Variants in CSMD1 observed in about 807,000 individuals in gnomAD.
CSMD1 encodes the protein CUB and sushi domain-containing protein 1.
Under a neutral mutation model 417.5 loss-of-function variants are expected in CSMD1, and 213 were observed. The observed-to-expected ratio is 0.51, with a 90% CI of 0.46 to 0.57. CSMD1 has a LOEUF of 0.57. Among genes scored for constraint, CSMD1 ranks in the 20% least tolerant of loss-of-function variants. The pLI, the probability that CSMD1 is intolerant of heterozygous loss-of-function variation, is 0.00. For missense variants in CSMD1, 6,923 were observed against 4,529.7 expected, an observed-to-expected ratio of 1.53 and a Z score of -15.17; for synonymous variants, 2,862 against 1,736.8, an observed-to-expected ratio of 1.65 and a Z score of -16.11.
intron 4 of CSMD1, among the ~76,000 whole-genome samples, chr8:4,022,096 C>CTT (rs1554518692): frequency 2.1e-5 from 3 of 145,212 alleles, no homozygotes; most frequent in African/African-American, 7.6e-5. Flanking sequence ...CACACACACA[C>CTT]ATATATATAT....
At chr8:4,045,674 A>G (rs762885649) in intron 3 of CSMD1, among the ~76,000 whole-genome samples, 11 of 152,236 alleles carry the variant, frequency 7.2e-5, no homozygotes, top group Admixed American at 3.3e-4. Context: ...AATAATTTTA[A>G]GTAGAGAACC....
chr8:4,708,118 A>G (rs567814394), intron 1 of CSMD1, among the ~76,000 whole-genome samples: 1 of 126,894 alleles, frequency 7.9e-6, no homozygotes, highest in East Asian at 2.3e-4. Context: ...AATTTTTTGT[A>G]TTTTTTTTTA....
At chr8:3,911,232 A>G (rs1467177597) in intron 5 of CSMD1, among the ~76,000 whole-genome samples, 1 of 152,198 alleles carries the variant, frequency 6.6e-6, no homozygotes, top group Non-Finnish European at 1.5e-5. Flanking sequence ...TGCTCATTCC[A>G]AAATCAAATC....
At chr8:3,904,390 T>C (rs1463528877) in intron 5 of CSMD1, among the ~76,000 whole-genome samples, 1 of 152,150 alleles carries the variant, frequency 6.6e-6, no homozygotes, top group Non-Finnish European at 1.5e-5. Flanking sequence ...TGGAAACCTC[T>C]TTATTGCAAT....
intron 3 of CSMD1, among the ~76,000 whole-genome samples, chr8:4,191,587 C>G (rs534656369): frequency 1.3e-5 from 2 of 152,064 alleles, no homozygotes; most frequent in East Asian, 3.9e-4. Context: ...AATCACTGTT[C>G]TTCAGCTGTT....
chr8:3,783,986 G>C (rs1799316017), intron 5 of CSMD1, among the ~76,000 whole-genome samples: 1 of 152,166 alleles, frequency 6.6e-6, no homozygotes, highest in Non-Finnish European at 1.5e-5. Flanking sequence ...TCCTCTTCTG[G>C]TGCCTGACCT....
At chr8:4,390,659 A>AC (rs1230196042) in intron 3 of CSMD1, among the ~76,000 whole-genome samples, 3 of 151,472 alleles carry the variant, frequency 2.0e-5, no homozygotes, top group Non-Finnish European at 4.4e-5. Context: ...GACGACAGGC[A>AC]CCCCCCACCA....
chr8:3,582,088 C>G (rs1563172600), intron 9 of CSMD1, among the ~76,000 whole-genome samples: 1 of 152,132 alleles, frequency 6.6e-6, no homozygotes, highest in Non-Finnish European at 1.5e-5. Context: ...AGCCACCGCG[C>G]TGGCCAATGC....
chr8:3,907,974 G>A (rs999761145), intron 5 of CSMD1, among the ~76,000 whole-genome samples: 1 of 152,074 alleles, frequency 6.6e-6, no homozygotes, highest in African/African-American at 2.4e-5. Flanking sequence ...GTAATTTGCT[G>A]GGGCCAGAAA....
At chr8:4,883,906 C>A (rs1803566445) in intron 1 of CSMD1, among the ~76,000 whole-genome samples, 1 of 151,952 alleles carries the variant, frequency 6.6e-6, no homozygotes, top group Non-Finnish European at 1.5e-5. Flanking sequence ...GAGGAACTGC[C>A]AGACTGTTTT....
At chr8:4,310,204 A>G (rs1274293873) in intron 3 of CSMD1, among the ~76,000 whole-genome samples, 2 of 152,146 alleles carry the variant, frequency 1.3e-5, no homozygotes, top group Non-Finnish European at 2.9e-5. Flanking sequence ...TCTCCTTTCC[A>G]TCTAGTGGAG....
At chr8:4,862,901 T>G (rs190695947) in intron 1 of CSMD1, among the ~76,000 whole-genome samples, 3 of 151,970 alleles carry the variant, frequency 2.0e-5, no homozygotes, top group Admixed American at 2.0e-4. Context: ...GGTAGAGCCG[T>G]GGGAGACACA....
intron 3 of CSMD1, among the ~76,000 whole-genome samples, chr8:4,122,221 C>G (rs184670512): frequency 7.8e-4 from 118 of 152,224 alleles, no homozygotes; most frequent in African/African-American, 2.8e-3. Flanking sequence ...TATTTGCTGA[C>G]TTTTGTGAGG....
At chr8:3,647,981 G>A (rs926942833) in intron 7 of CSMD1, among the ~76,000 whole-genome samples, 5 of 152,230 alleles carry the variant, frequency 3.3e-5, no homozygotes, top group African/African-American at 4.8e-5. Context: ...TAAACAGCAG[G>A]ATTTTTCGAG....
rs9314495 is a variant in CSMD1 at position 3,493,742 on chromosome 8, G to C, written c.1345-16C>G. On this transcript the variant is annotated splice_polypyrimidine_tract_variant and intron_variant, in intron 10 of 69. Transcript: ENST00000635120. ...GCTTGATGACCTAAATACAAGGTAC[G>C]AAACAGTGACTTAGAACAACAGGTA... 4 of 1,594,110 alleles carry C rather than the reference G, an allele frequency of 2.5e-6. No homozygotes were observed. In the South Asian group the frequency reaches 4.5e-5, roughly 18 times the overall value.
At chr8:3,924,659 A>G (rs889690794) in intron 5 of CSMD1, among the ~76,000 whole-genome samples, 1 of 151,826 alleles carries the variant, frequency 6.6e-6, no homozygotes, top group Non-Finnish European at 1.5e-5. Flanking sequence ...ACACTTCTTT[A>G]ATTTTTTCAG....
At chr8:3,305,805 G>C (rs576076205) in intron 25 of CSMD1, among the ~76,000 whole-genome samples, 2 of 152,104 alleles carry the variant, frequency 1.3e-5, no homozygotes, top group African/African-American at 2.4e-5. Context: ...TCAGCCTCCC[G>C]AGTAGCTGGG....
At chr8:4,889,059 A>G (rs1167977163) in intron 1 of CSMD1, among the ~76,000 whole-genome samples, 1 of 152,140 alleles carries the variant, frequency 6.6e-6, no homozygotes, top group Non-Finnish European at 1.5e-5. Flanking sequence ...AAGGATGAAT[A>G]TGTGGTAAGC....
At chr8:3,228,288 G>A (rs1313465450) in intron 27 of CSMD1, among the ~76,000 whole-genome samples, 1 of 152,174 alleles carries the variant, frequency 6.6e-6, no homozygotes. Flanking sequence ...GAATTTACAT[G>A]AGTGCTAATT....
Sources: gnomAD v4.1 joint callset for allele counts (sites outside exome capture counted in the v4.1 genomes callset) on GRCh38, gnomAD v4.1.1 for gene constraint, MANE v1.5 for transcripts, NCBI Gene and HGNC (gene_info 2026-07-23, HGNC 2026-07-21) for gene names.